ATP6V0D2: variants seen among roughly 807,000 people sequenced by gnomAD.
ATP6V0D2 encodes the protein V-type proton ATPase subunit d 2.
A neutral mutation model predicts 40.0 loss-of-function variants in ATP6V0D2; 40 were observed. The ratio of observed to expected loss-of-function variants is 1.00; its 90% CI spans 0.78 to 1.30. The LOEUF (loss-of-function observed/expected upper bound fraction) is 1.30. ATP6V0D2 is among the 50% of genes most tolerant of loss of function. The pLI is 0.00. For missense variants in ATP6V0D2, 470 were observed against 423.1 expected (o/e 1.11, Z -0.97); for synonymous variants, 179 against 156.3 (o/e 1.15, Z -1.08).
intron 1 of ATP6V0D2, among the ~76,000 whole-genome samples, chr8:86,108,711 A>G (rs543965867): frequency 6.6e-6 from 1 of 152,224 alleles, no homozygotes; most frequent in African/African-American, 2.4e-5. Context: ...TGGGGTTACA[A>G]GCATCAGCCA....
intron 1 of ATP6V0D2, among the ~76,000 whole-genome samples, chr8:86,108,512 C>T (rs892536327): frequency 1.3e-5 from 2 of 152,162 alleles, no homozygotes; most frequent in African/African-American, 4.8e-5. Context: ...AAACTGAGTT[C>T]GGAAAATTCA....
In ATP6V0D2 at chr8:86,151,471, C is replaced by T. The variant is rs1819151125; in HGVS notation, c.822C>T (p.Tyr274=). 1.3e-6 allele frequency: 2 copies of T among 1,599,134 alleles called. No homozygotes were observed. Among genetic ancestry groups the T allele is most frequent in the Non-Finnish European group, 8.5e-7 (1 of 1,172,726 alleles). The change falls in exon 7 of 8, where the codon TAC becomes TAT. Residue 274 remains tyrosine, a synonymous_variant. Transcript: ENST00000285393. ...TTAATGTCTTTGTTTTTAAGGTATA[C>T]AAACCTTTATTTGAAGCTGTAGGTG... ...MKNVADHYGV[Y]KPLFEAVGGS...
chr8:86,143,333 G>A (rs909684412), intron 5 of ATP6V0D2, among the ~76,000 whole-genome samples: 1 of 152,150 alleles, frequency 6.6e-6, no homozygotes, highest in Non-Finnish European at 1.5e-5. Flanking sequence ...TTGGATCTCA[G>A]CAAGAAAGAA....
At chr8:86,133,512 G>A (rs1210467443) in intron 2 of ATP6V0D2, among the ~76,000 whole-genome samples, 2 of 151,422 alleles carry the variant, frequency 1.3e-5, no homozygotes, top group East Asian at 1.9e-4. Context: ...TAGTAGAGAC[G>A]AGGTTTCACC....
At chr8:86,141,628 C>T in intron 4 of ATP6V0D2, 99 bp downstream of exon 4, 1 of 806,402 alleles carries the variant, frequency 1.2e-6, no homozygotes, top group Non-Finnish European at 1.9e-6. Flanking sequence ...CCAACTTCTG[C>T]AATTATGAAA....
At chr8:86,140,201 G>A (rs1818954573) in intron 3 of ATP6V0D2, among the ~76,000 whole-genome samples, 2 of 152,086 alleles carry the variant, frequency 1.3e-5, no homozygotes, top group South Asian at 4.1e-4. Context: ...CAAGAGTTGT[G>A]TTCAAAATGC....
intron 7 of ATP6V0D2, 60 bp from the exon 8 acceptor site, chr8:86,152,756 T>C: frequency 1.3e-6 from 2 of 1,502,506 alleles, no homozygotes; most frequent in Non-Finnish European, 1.8e-6. Flanking sequence ...AGTAGCTTAA[T>C]ATTATTCCAT....
intron 1 of ATP6V0D2, among the ~76,000 whole-genome samples, chr8:86,103,385 C>T (rs1008730848): frequency 1.3e-5 from 2 of 151,692 alleles, no homozygotes; most frequent in African/African-American, 2.4e-5. Context: ...CCTGCCTTGG[C>T]CTCCTAAAGT....
chr8:86,150,819 C>T (rs1290555145), intron 6 of ATP6V0D2, among the ~76,000 whole-genome samples: 4 of 152,128 alleles, frequency 2.6e-5, no homozygotes, highest in Non-Finnish European at 4.4e-5. Flanking sequence ...GCTCTTGGAG[C>T]GCCTGAAGCT....
At chr8:86,133,470 C>T (rs1233910462) in intron 2 of ATP6V0D2, among the ~76,000 whole-genome samples, 3 of 149,776 alleles carry the variant, frequency 2.0e-5, no homozygotes, top group South Asian at 2.2e-4. Context: ...CTACAGGCGC[C>T]CACCACCACA....
rs1228686431 is a variant in ATP6V0D2, at chr8:86,141,541, C to T, written c.561+12C>T. ...ATAAACTATACAAGGTAATGGTTTTCCCAAATATTGTCTTTTTCTTGATTA... is the reference window on the plus strand; with the variant it reads ...ATAAACTATACAAGGTAATGGTTTTTCCAAATATTGTCTTTTTCTTGATTA... On this transcript the variant is annotated intron_variant, in intron 4 of 7. Transcript: ENST00000285393. The T allele has an allele frequency of 6.4e-7, 1 of 1,554,166 alleles. No individual in the cohort carries two copies. The highest frequency in any genetic ancestry group is 8.8e-7 in the Non-Finnish European group (1 of 1,137,658).
intron 2 of ATP6V0D2, among the ~76,000 whole-genome samples, chr8:86,122,505 T>C (rs1252167541): frequency 2.6e-5 from 4 of 152,188 alleles, no homozygotes; most frequent in African/African-American, 9.7e-5. Context: ...TCAGAACTTG[T>C]AGTGTTGATA....
intron 5 of ATP6V0D2, among the ~76,000 whole-genome samples, chr8:86,147,463 C>T (rs1040709757): frequency 1.3e-5 from 2 of 152,218 alleles, no homozygotes; most frequent in African/African-American, 2.4e-5. Context: ...AGCGTGCCAA[C>T]TCTCTGCAAG....
intron 2 of ATP6V0D2, among the ~76,000 whole-genome samples, chr8:86,139,095 G>A (rs6470109): frequency 0.17 from 25,970 of 151,944 alleles, 2,515 homozygotes; most frequent in East Asian, 0.32. Flanking sequence ...GGGTATGGTG[G>A]TGAGAGCTTG....
chr8:86,139,573 C>A lies in ATP6V0D2; in HGVS notation c.419C>A (p.Ala140Asp). 1 of 1,613,698 alleles carries A rather than the reference C, an allele frequency of 6.2e-7. No homozygotes were observed. Among genetic ancestry groups the A allele is most frequent in the Non-Finnish European group, 8.5e-7 (1 of 1,179,826 alleles). The change falls in exon 3 of 8, where the codon GCT becomes GAT. Residue 140 changes from alanine to aspartate, a missense_variant. Ala to Asp is a moderately radical substitution (Grantham distance 126). Transcript: ENST00000285393. ...TTGGGCCGTTTCACAGAAATGGAAG[C>A]TGTCAACATTGCAGAGACACCTTCA... ...HPLGRFTEMEAVNIAETPSDL... is the reference protein window; with the variant it reads ...HPLGRFTEMEDVNIAETPSDL...
chr8:86,136,102 A>G (rs112233941), intron 2 of ATP6V0D2, among the ~76,000 whole-genome samples: 273 of 152,326 alleles, frequency 1.8e-3, no homozygotes, highest in African/African-American at 6.4e-3. Context: ...TTTCTGAGGA[A>G]CACTGCAAGA....
chr8:86,100,733 GCTGA>G (rs933903002), intron 1 of ATP6V0D2, among the ~76,000 whole-genome samples: 20 of 152,028 alleles, frequency 1.3e-4, no homozygotes, highest in African/African-American at 4.6e-4. Flanking sequence ...AGAACACAGG[GCTGA>G]CTAAGTGTTT....
At chr8:86,104,570 G>A (rs938396680) in intron 1 of ATP6V0D2, among the ~76,000 whole-genome samples, 1 of 152,090 alleles carries the variant, frequency 6.6e-6, no homozygotes. Context: ...CAAAGAAACT[G>A]TGAAAGGATT....
chr8:86,121,339 G>A lies in ATP6V0D2; in HGVS notation c.302+7459G>A, dbSNP rs200836781. Among the ~76,000 whole-genome samples the A allele has an allele frequency of 3.3e-4, 50 of 152,318 alleles. No homozygotes were observed. In the East Asian group the frequency reaches 6.8e-3, roughly 21 times the overall value. On this transcript the variant is annotated intron_variant, in intron 2 of 7. Coordinates refer to ENST00000285393, the MANE Select transcript of ATP6V0D2 (RefSeq NM_152565.1). ...AATCCCAGTACTTTGGGAGGCCGAG[G>A]TGGGCAGATCACTTGAGGTCAGGAG...
Sources: allele counts gnomAD v4.1 joint callset (sites outside exome capture counted in the v4.1 genomes callset), GRCh38; gene constraint gnomAD v4.1.1; transcripts MANE v1.5; gene names NCBI Gene and HGNC (gene_info 2026-07-23, HGNC 2026-07-21).